Variants in FRAS1 observed in about 807,000 individuals in gnomAD.
FRAS1 encodes extracellular matrix organizing protein FRAS1.
FRAS1 carries 290 observed loss-of-function variants against 435.2 expected under a neutral mutation model. The observed-to-expected ratio is 0.67, with a 90% confidence interval of 0.61 to 0.73. FRAS1 has a LOEUF of 0.73. Among genes scored for constraint, FRAS1 ranks in the 30% least tolerant of loss-of-function variants. The pLI, the probability that FRAS1 is intolerant of heterozygous loss-of-function variation, is 0.00. For synonymous variants in FRAS1, 1,800 were observed against 1,851.0 expected (o/e 0.97, Z 0.71); for missense variants, 4,860 against 5,001.5 (o/e 0.97, Z 0.85).
chr4:78,475,446 T>A lies in FRAS1; in HGVS notation c.7691T>A (p.Val2564Asp). The A allele has an allele frequency of 6.2e-7, 1 of 1,613,926 alleles. No homozygotes were observed. The highest frequency in any genetic ancestry group is 8.5e-7 in the Non-Finnish European group (1 of 1,179,820). ...TTTTTGTGTGCTTCCAGCTACAATG[T>A]CAGTGAGAAGGCAGGGTCTGTCAGT... The part of the protein sequence containing the change: ...LISFKYTSYN[V>D]SEKAGSVSVT... The change falls in exon 54 of 74, where the codon GTC (valine) becomes GAC (aspartate). Residue 2564 changes from valine to aspartate, a missense_variant. By Grantham distance (152) the Val-to-Asp change is radical. Coordinates refer to ENST00000512123, the MANE Select transcript of FRAS1 (RefSeq NM_025074.7).
At chr4:78,531,966 G>T (rs1038006979) in intron 70 of FRAS1, among the ~76,000 whole-genome samples, 2 of 152,076 alleles carry the variant, frequency 1.3e-5, no homozygotes, top group African/African-American at 4.8e-5. Flanking sequence ...TGCCCACCTG[G>T]CAAAAGCCCT....
chr4:78,413,006 G>T lies in FRAS1; in HGVS notation c.4346G>T (p.Ser1449Ile), dbSNP rs201131604. Residue 1449 changes from serine to isoleucine, a missense_variant, in exon 32 of 74, where the codon AGC becomes ATC. By Grantham distance (142) the Ser-to-Ile change is moderately radical. Transcript: ENST00000512123. ...TCCAATGCCCAGACCCGCCTGGAGA[G>T]CCACATGTTCAACATCGCGATCTTA... ...SASNAQTRLE[S>I]HMFNIAILPQ... 585 of 1,609,346 alleles carry T rather than the reference G, an allele frequency of 3.6e-4. 2 individuals are homozygous for T. Among genetic ancestry groups the T allele is most frequent in the Non-Finnish European group, 2.5e-4 (296 of 1,178,124 alleles).
intron 35 of FRAS1, among the ~76,000 whole-genome samples, chr4:78,427,893 C>T (rs1734055759): frequency 6.6e-6 from 1 of 152,236 alleles, no homozygotes; most frequent in African/African-American, 2.4e-5. Context: ...AAGATTCTTG[C>T]TGGCTTGTTA....
At chr4:78,191,820 C>G (rs1342527162) in intron 2 of FRAS1, among the ~76,000 whole-genome samples, 1 of 151,964 alleles carries the variant, frequency 6.6e-6, no homozygotes, top group African/African-American at 2.4e-5. Flanking sequence ...TGATAATTTG[C>G]TGAGAATGAT....
chr4:78,200,295 T>G (rs1237436202), intron 2 of FRAS1, among the ~76,000 whole-genome samples: 1 of 152,214 alleles, frequency 6.6e-6, no homozygotes, highest in Non-Finnish European at 1.5e-5. Flanking sequence ...ACAGCATGTG[T>G]TGAACCACAA....
At chr4:78,258,144 C>T (rs544608231) in intron 6 of FRAS1, among the ~76,000 whole-genome samples, 21 of 152,016 alleles carry the variant, frequency 1.4e-4, no homozygotes, top group African/African-American at 5.1e-4. Flanking sequence ...AGTTCGAGAC[C>T]ATCCTGGGCA....
intron 2 of FRAS1, among the ~76,000 whole-genome samples, chr4:78,153,861 T>C (rs1280538654): frequency 6.6e-6 from 1 of 152,198 alleles, no homozygotes; most frequent in Non-Finnish European, 1.5e-5. Flanking sequence ...CTTTATAACA[T>C]TGATTTTAGC....
intron 22 of FRAS1, among the ~76,000 whole-genome samples, chr4:78,366,806 G>A (rs778312032): frequency 5.9e-5 from 9 of 152,170 alleles, no homozygotes; most frequent in Non-Finnish European, 1.0e-4. Context: ...GTCTGCGTCA[G>A]TACTAGTAAG....
chr4:78,354,576 A>T (rs1214695887), intron 20 of FRAS1, among the ~76,000 whole-genome samples: 1 of 152,208 alleles, frequency 6.6e-6, no homozygotes, highest in Non-Finnish European at 1.5e-5. Flanking sequence ...ATTAGAATTC[A>T]AATTCTATGC....
chr4:78,126,105 T>C, intron 2 of FRAS1, among the ~76,000 whole-genome samples: 1 of 152,182 alleles, frequency 6.6e-6, no homozygotes, highest in East Asian at 1.9e-4. Context: ...GCTTCAGCAA[T>C]GGCAGATGCC....
At chr4:78,286,737 A>G (rs1395301491) in intron 14 of FRAS1, among the ~76,000 whole-genome samples, 198 bp downstream of exon 14, 1 of 152,190 alleles carries the variant, frequency 6.6e-6, no homozygotes, top group African/African-American at 2.4e-5. Context: ...TAATAACCTT[A>G]TTAGGTTATT....
intron 2 of FRAS1, among the ~76,000 whole-genome samples, chr4:78,133,300 TGG>T (rs1011264427): frequency 1.6e-4 from 25 of 151,992 alleles, no homozygotes; most frequent in African/African-American, 6.0e-4. Context: ...CACTTATTTC[TGG>T]GACCTAAAAA....
chr4:78,330,095 T>C lies in FRAS1; in HGVS notation c.2138-3177T>C, dbSNP rs1729885143. 3.3e-5 allele frequency among the ~76,000 whole-genome samples: 5 copies of C among 152,334 alleles called. No individual in the cohort carries two copies. The East Asian group carries it at 9.6e-4, about 29-fold the overall frequency. ...AGGGACCCCAAACAGAGGGACCGGC[T>C]GAAGCCATGGCAGAAGAACGTGGAT... On this transcript the variant is annotated intron_variant, in intron 18 of 73. Transcript: ENST00000512123.
At chr4:78,079,454 A>G (rs919882062) in intron 2 of FRAS1, among the ~76,000 whole-genome samples, 1 of 152,172 alleles carries the variant, frequency 6.6e-6, no homozygotes, top group African/African-American at 2.4e-5. Flanking sequence ...TGAAAATTAT[A>G]TTATTTAGGA....
At chr4:78,364,241 A>G (rs1242110494) in intron 22 of FRAS1, among the ~76,000 whole-genome samples, 187 bp downstream of exon 22, 1 of 152,234 alleles carries the variant, frequency 6.6e-6, no homozygotes, top group Admixed American at 6.5e-5. Flanking sequence ...ATATCAGCCT[A>G]ATCAAAAGTG....
intron 35 of FRAS1, among the ~76,000 whole-genome samples, chr4:78,426,708 G>T (rs986925): frequency 0.55 from 84,215 of 152,062 alleles, 23,815 homozygotes; most frequent in Non-Finnish European, 0.62. Context: ...GGTGCTCACA[G>T]GGGCATTTAG....
At chr4:78,326,414 T>C (rs1460289570) in intron 18 of FRAS1, among the ~76,000 whole-genome samples, 1 of 151,982 alleles carries the variant, frequency 6.6e-6, no homozygotes, top group Non-Finnish European at 1.5e-5. Flanking sequence ...CCAAGTGAGA[T>C]AGGGAATAGA....
At chr4:78,238,157 T>C (rs1724842310) in intron 3 of FRAS1, among the ~76,000 whole-genome samples, 1 of 152,032 alleles carries the variant, frequency 6.6e-6, no homozygotes, top group African/African-American at 2.4e-5. Context: ...ATTGTGCTAC[T>C]ATTGGGCTCC....
chr4:78,455,453 G>A (rs992296047), intron 47 of FRAS1, among the ~76,000 whole-genome samples: 1 of 151,990 alleles, frequency 6.6e-6, no homozygotes, highest in African/African-American at 2.4e-5. Flanking sequence ...AAGAAGAGCA[G>A]AGCAACTTCT....
Sources: gnomAD v4.1 joint callset for allele counts (sites outside exome capture counted in the v4.1 genomes callset) on GRCh38, gnomAD v4.1.1 for gene constraint, MANE v1.5 for transcripts, NCBI Gene and HGNC (gene_info 2026-07-23, HGNC 2026-07-21) for gene names.